The following OPTC variants were observed in gnomAD, a reference collection of about 807,000 sequenced individuals.
OPTC encodes opticin, also known as oculoglycan.
OPTC carries 22 observed loss-of-function variants against 25.4 expected under a neutral mutation model. The ratio of observed to expected loss-of-function variants is 0.87; its 90% CI spans 0.62 to 1.24. The LOEUF (loss-of-function observed/expected upper bound fraction) is 1.24, where lower values mean the gene tolerates loss of function less well. Ranked by LOEUF, OPTC falls within the 50% of genes most tolerant of loss-of-function variation. The pLI, the probability that OPTC is intolerant of heterozygous loss-of-function variation, is 0.00. For missense variants in OPTC, 417 were observed against 425.2 expected (o/e 0.98, Z 0.17); for synonymous variants, 169 against 179.3 (o/e 0.94, Z 0.46).
intron 5 of OPTC, 73 bp from the exon 6 acceptor site, chr1:203,502,841 G>C (rs1303672397): frequency 8.6e-7 from 1 of 1,159,238 alleles, no homozygotes; most frequent in Admixed American, 1.8e-5. Context: ...CCTGTCTCTG[G>C]TCTCATAGCC....
At chr1:203,507,644 G>A (rs186044005) in intron 7 of OPTC, among the ~76,000 whole-genome samples, 6 of 152,302 alleles carry the variant, frequency 3.9e-5, no homozygotes, top group South Asian at 4.1e-4. Context: ...GAGTATCAGC[G>A]GGAGGAGGTC....
rs376373991 is a variant in OPTC at position 203,503,561 on chromosome 1, A to G, written c.840A>G (p.Ile280Met). 13 of 1,613,442 alleles carry G rather than the reference A, an allele frequency of 8.1e-6. No individual in the cohort carries two copies. The highest frequency in any genetic ancestry group is 1.1e-5 in the Non-Finnish European group (13 of 1,180,026). ...LRSVHLQNNLIETMQRDVFCD... is the reference protein window; with the variant it reads ...LRSVHLQNNLMETMQRDVFCD... ...TGTGTTCTTCCCAGAATAACCTGAT[A>G]GAGACCATGCAGAGAGACGTCTTCT... is the stretch of plus-strand genomic sequence containing the variant. Residue 280 changes from isoleucine (I) to methionine (M), a missense_variant, in exon 7 of 8, where the codon ATA (isoleucine) becomes ATG (methionine). Ile to Met is a conservative substitution (Grantham distance 10, BLOSUM62 1). Transcript: ENST00000367222.
chr1:203,495,869 G>A (rs565574670), intron 1 of OPTC, 96 bp from the exon 2 acceptor site: 11 of 695,846 alleles, frequency 1.6e-5, no homozygotes, highest in South Asian at 1.5e-4. Context: ...CTGCAAGTGT[G>A]GGGGTGGGAA....
At chr1:203,498,871 G>T in intron 4 of OPTC, 32 bp downstream of exon 4, 2 of 1,611,920 alleles carry the variant, frequency 1.2e-6, no homozygotes, top group Non-Finnish European at 1.7e-6. Flanking sequence ...GAGGAGTGGG[G>T]GCAGGCATAT....
intron 7 of OPTC, among the ~76,000 whole-genome samples, chr1:203,506,154 T>TTC (rs1308257474): frequency 2.0e-5 from 3 of 147,526 alleles, no homozygotes; most frequent in Admixed American, 6.7e-5. Context: ...TCTTTTTTCT[T>TTC]TTTTTTTTTT....
intron 1 of OPTC, among the ~76,000 whole-genome samples, chr1:203,494,674 A>T (rs1304823126): frequency 6.6e-6 from 1 of 152,184 alleles, no homozygotes; most frequent in African/African-American, 2.4e-5. Context: ...TAAAAATTAA[A>T]AGATAAAAAA....
intron 5 of OPTC, among the ~76,000 whole-genome samples, chr1:203,501,346 C>T (rs139755401): frequency 2.0e-4 from 30 of 152,250 alleles, no homozygotes; most frequent in African/African-American, 6.0e-4. Context: ...GGTGATCTGC[C>T]CACCTTGGCC....
chr1:203,503,030 C>G (rs745456946), intron 6 of OPTC, 21 bp downstream of exon 6: 3 of 1,581,134 alleles, frequency 1.9e-6, no homozygotes. Flanking sequence ...CCACCCAGAG[C>G]AAGGGTGATA....
chr1:203,502,314 C>T (rs571499445), intron 5 of OPTC, among the ~76,000 whole-genome samples: 1 of 152,266 alleles, frequency 6.6e-6, no homozygotes, highest in African/African-American at 2.4e-5. Flanking sequence ...CTGGCTGTCT[C>T]CCGAGTGTCT....
At chr1:203,503,963 T>A (rs1193932638) in intron 7 of OPTC, among the ~76,000 whole-genome samples, 1 of 152,162 alleles carries the variant, frequency 6.6e-6, no homozygotes, top group Non-Finnish European at 1.5e-5. Context: ...CCTTGACACT[T>A]ATGGCTCCTG....
At chr1:203,506,652 A>G (rs757007897) in intron 7 of OPTC, among the ~76,000 whole-genome samples, 23 of 152,128 alleles carry the variant, frequency 1.5e-4, no homozygotes, top group Non-Finnish European at 2.8e-4. Context: ...CAGACCTATA[A>G]TAGAAGCTTT....
chr1:203,494,785 A>G (rs921676207), intron 1 of OPTC, among the ~76,000 whole-genome samples: 1 of 152,230 alleles, frequency 6.6e-6, no homozygotes, highest in East Asian at 1.9e-4. Context: ...TGTTGTATAC[A>G]CTTATGCCTG....
At position 203,503,762 on chromosome 1, in the gene OPTC, G is replaced by T; in HGVS notation, c.*25+17G>T. The T allele has an allele frequency of 6.3e-7, 1 of 1,589,692 alleles. No homozygotes were observed. The highest frequency in any genetic ancestry group is 1.1e-5 in the South Asian group (1 of 90,570). On this transcript the variant is annotated intron_variant, in intron 7 of 7. Transcript: ENST00000367222. ...TCCTCCCAGGTAAGAACCCTCCAAG[G>T]ACCATGCAGGCATGGGCCTCCAGCC...
chr1:203,498,654 C>G (rs373363735), intron 3 of OPTC, 27 bp from the exon 4 acceptor site: 1 of 1,614,060 alleles, frequency 6.2e-7, no homozygotes, highest in Non-Finnish European at 8.5e-7. Context: ...AGAGATCTCC[C>G]TTTGTTCTGT....
Position 203,497,048 on chromosome 1 carries a change from C to A in OPTC, c.303C>A (p.Pro101=). 6.2e-7 allele frequency: 1 copy of A among 1,614,110 alleles called. No homozygotes were observed. Among genetic ancestry groups the A allele is most frequent in the Non-Finnish European group, 8.5e-7 (1 of 1,180,020 alleles). ...PAKSTTAPGT[P]SSNPTMTRPT... ...AGAGCACTACGGCTCCAGGGACACC[C>A]TCGTCAAACCCCACGATGACCAGAC... The change falls in exon 3 of 8, where the codon CCC becomes CCA. Residue 101 remains proline, a synonymous_variant. Coordinates refer to ENST00000367222, the MANE Select transcript of OPTC (RefSeq NM_014359.4).
At chr1:203,500,395 TCCACCACCATCACCCGCCTCCACTG>T (rs1368297977) in intron 5 of OPTC, among the ~76,000 whole-genome samples, 1 of 78,552 alleles carries the variant, frequency 1.3e-5, no homozygotes, top group Admixed American at 1.4e-4. Flanking sequence ...CACCTCCACC[TCCACCACCATCACCCGCCTCCACTG>T]CCACCACCAC....
intron 3 of OPTC, among the ~76,000 whole-genome samples, chr1:203,497,975 G>A (rs1661306860): frequency 6.6e-6 from 1 of 152,138 alleles, no homozygotes; most frequent in Admixed American, 6.5e-5. Context: ...CTTGAGTTGA[G>A]CTAAACTGGT....
intron 5 of OPTC, among the ~76,000 whole-genome samples, chr1:203,501,230 A>G (rs775413759): frequency 2.0e-5 from 3 of 152,106 alleles, no homozygotes; most frequent in Non-Finnish European, 2.9e-5. Context: ...CCTCCTGAGT[A>G]GCTGGGATTA....
intron 7 of OPTC, among the ~76,000 whole-genome samples, chr1:203,505,948 C>CTGTG (rs560311633): frequency 0.14 from 19,126 of 140,724 alleles, 1,340 homozygotes; most frequent in East Asian, 0.3. Context: ...CTCTCTCTCT[C>CTGTG]AGAGTGTGTG....
Sources: allele counts gnomAD v4.1 joint callset (sites outside exome capture counted in the v4.1 genomes callset), GRCh38; gene constraint gnomAD v4.1.1; transcripts MANE v1.5; gene names NCBI Gene and HGNC (gene_info 2026-07-23, HGNC 2026-07-21).